ATAD3B: variants seen among roughly 807,000 people sequenced by gnomAD.
The protein encoded by ATAD3B is ATPase family AAA domain-containing protein 3B.
ATAD3B carries 59 observed loss-of-function variants against 70.2 expected under a neutral mutation model. That is an observed-to-expected ratio of 0.84 (90% CI 0.68 to 1.04). The LOEUF (loss-of-function observed/expected upper bound fraction) is 1.04, where lower values mean the gene tolerates loss of function less well. Among genes scored for constraint, ATAD3B ranks in the 50% least tolerant of loss-of-function variants. The pLI, the probability that ATAD3B is intolerant of heterozygous loss-of-function variation, is 0.00. For missense variants in ATAD3B, 961 were observed against 913.4 expected, an observed-to-expected ratio of 1.05 and a Z score of -0.67; for synonymous variants, 423 against 388.6, an observed-to-expected ratio of 1.09 and a Z score of -1.04.
rs1003729665 is a variant in ATAD3B, at chr1:1,496,398, C to T, written c.*581C>T. 1.1e-4 allele frequency: 32 copies of T among 295,708 alleles called. No homozygotes were observed. Among genetic ancestry groups the T allele is most frequent in the African/African-American group, 2.0e-4 (9 of 44,136 alleles). 18.3% of individuals were successfully genotyped at this position (295,708 alleles called of 1,614,324 possible). ...GAATGCTGCCCGGGACTGCCGCCTGCGCCCCACCAGCCCCTCCCTCCTGAA... is the reference window on the plus strand; with the variant it reads ...GAATGCTGCCCGGGACTGCCGCCTGTGCCCCACCAGCCCCTCCCTCCTGAA... On this transcript the variant is annotated 3_prime_UTR_variant, in exon 16 of 16. Coordinates refer to ENST00000673477, the MANE Select transcript of ATAD3B (RefSeq NM_031921.6).
chr1:1,503,517 G>A, the ATAD3B span: 1 of 1,513,704 alleles, frequency 6.6e-7, no homozygotes, highest in Non-Finnish European at 9.0e-7. Flanking sequence ...CCCCTTGGCT[G>A]GTGTGGTGCC....
Position 1,485,143 on chromosome 1 carries a change from T to C in ATAD3B, c.878T>C (p.Val293Ala). 2.5e-6 allele frequency: 4 copies of C among 1,610,478 alleles called. No individual in the cohort carries two copies. The highest frequency in any genetic ancestry group is 3.4e-6 in the Non-Finnish European group (4 of 1,179,486). Residue 293 changes from valine (V) to alanine (A), a missense_variant, in exon 8 of 16, where the codon GTG (valine) becomes GCG (alanine). This residue lies in a region of ATAD3B where 349 missense variants were observed against 307.5 expected (regional missense o/e 1.14). Transcript: ENST00000673477. ...GTGAGGGAGACGTCCCGCATCACGG[T>C]GCTGGAGGCGCTGCGGCACCCCATC... Reference protein sequence around the residue: ...SLVRETSRITVLEALRHPIQV... With the variant: ...SLVRETSRITALEALRHPIQV...
rs1640757512 is a variant in ATAD3B, at chr1:1,495,758, C to G, written c.1888C>G (p.Pro630Ala). The G allele has an allele frequency of 6.2e-7, 1 of 1,610,476 alleles. No individual in the cohort carries two copies. Among genetic ancestry groups the G allele is most frequent in the Non-Finnish European group, 8.5e-7 (1 of 1,178,052 alleles). ...GTGLCPGPLS[P>A]RMSCGGGRPF... The stretch of plus-strand genomic sequence containing the variant: ...TGGGCTGTGCCCAGGGCCTCTGTCC[C>G]CCAGGATGTCTTGTGGTGGCGGTCG... The change falls in exon 16 of 16, where the codon CCC (proline) becomes GCC (alanine). Residue 630 changes from proline (P) to alanine (A), a missense_variant. Physicochemically the swap from Pro to Ala is conservative, Grantham distance 27. Coordinates refer to ENST00000673477, the MANE Select transcript of ATAD3B (RefSeq NM_031921.6).
chr1:1,501,502 G>T (rs1426945259), downstream of ATAD3B, among the ~76,000 whole-genome samples: 2 of 152,030 alleles, frequency 1.3e-5, no homozygotes, highest in Non-Finnish European at 2.9e-5. Flanking sequence ...TGATCCGCCC[G>T]CCTCGGCCTC....
the ATAD3B span, among the ~76,000 whole-genome samples, chr1:1,505,050 G>A: frequency 6.6e-6 from 1 of 152,188 alleles, no homozygotes; most frequent in Non-Finnish European, 1.5e-5. Flanking sequence ...ACAAGACAGA[G>A]ATAAAAGACA....
chr1:1,483,021 G>T (rs1396613620), intron 7 of ATAD3B: 4 of 457,626 alleles, frequency 8.7e-6, no homozygotes, highest in African/African-American at 2.0e-5. Flanking sequence ...TGGCCAGGCG[G>T]TAGTGGCTCA....
chr1:1,480,081 G>A lies in ATAD3B; in HGVS notation c.445-786G>A, dbSNP rs1456816212. Among the ~76,000 whole-genome samples the A allele has an allele frequency of 1.4e-5, 2 of 142,616 alleles. 1 individual carries two copies. The highest frequency in any genetic ancestry group is 3.0e-5 in the Non-Finnish European group (2 of 65,898). The allele number at this position is 142,616 out of a possible 152,430, so 93.6% of individuals were successfully genotyped here. ...GGCACGCACACAGTCCCACACATGG[G>A]CACACGCGCACACCGCCGCAAACAC... On this transcript the variant is annotated intron_variant, in intron 4 of 15. Coordinates refer to ENST00000673477, the MANE Select transcript of ATAD3B (RefSeq NM_031921.6).
At chr1:1,503,316 C>G in the ATAD3B span, 1 of 434,760 alleles carries the variant, frequency 2.3e-6, no homozygotes, top group Admixed American at 3.4e-5. Flanking sequence ...CAAGAGCCTC[C>G]TCCCGTCCAC....
downstream of ATAD3B, among the ~76,000 whole-genome samples, chr1:1,502,766 C>T (rs2100619153): frequency 1.3e-5 from 2 of 150,066 alleles, no homozygotes; most frequent in East Asian, 2.1e-4. Context: ...CCCGCCTCGG[C>T]CTCCCAAAGT....
chr1:1,472,710 C>G (rs763005744), intron 1 of ATAD3B, among the ~76,000 whole-genome samples: 8 of 152,014 alleles, frequency 5.3e-5, no homozygotes, highest in Non-Finnish European at 7.4e-5. Context: ...CCTTCCTTTC[C>G]CCTGTGGCTT....
chr1:1,479,993 C>T (rs999755467), intron 4 of ATAD3B, among the ~76,000 whole-genome samples: 3 of 145,174 alleles, frequency 2.1e-5, no homozygotes, highest in African/African-American at 7.8e-5. Flanking sequence ...CATGGACACA[C>T]GCACACCCCC....
chr1:1,492,030 G>C (rs1640564767), intron 15 of ATAD3B, among the ~76,000 whole-genome samples: 1 of 151,844 alleles, frequency 6.6e-6, no homozygotes, highest in Non-Finnish European at 1.5e-5. Flanking sequence ...TACAAAAAAT[G>C]AAAAAATTGG....
At chr1:1,498,957 G>A (rs1270240257), downstream of ATAD3B, among the ~76,000 whole-genome samples, 2 of 149,602 alleles carry the variant, frequency 1.3e-5, no homozygotes, top group South Asian at 2.1e-4. Context: ...CCCTACTGCT[G>A]TGTGGTTCCT....
chr1:1,489,573 G>A, intron 13 of ATAD3B: 2 of 1,071,270 alleles, frequency 1.9e-6, no homozygotes, highest in Admixed American at 2.5e-5. Context: ...TGCAAGGGAG[G>A]TGGTCTGATT....
the ATAD3B span, chr1:1,509,297 G>A: frequency 6.2e-7 from 1 of 1,612,852 alleles, no homozygotes. Flanking sequence ...AGCAGATGAT[G>A]CGCTGGCTGA....
intron 15 of ATAD3B, among the ~76,000 whole-genome samples, chr1:1,492,561 CGA>C (rs1162658243): frequency 6.6e-6 from 1 of 151,082 alleles, no homozygotes. Flanking sequence ...TTTGGGAGGC[CGA>C]GGTGTTGGAT....
At chr1:1,504,940 G>A in the ATAD3B span, among the ~76,000 whole-genome samples, 1 of 152,178 alleles carries the variant, frequency 6.6e-6, no homozygotes, top group African/African-American at 2.4e-5. Context: ...GTGTGTGTGT[G>A]TGTGTGTGTG....
At chr1:1,499,191 T>A (rs1457173631), downstream of ATAD3B, among the ~76,000 whole-genome samples, 1 of 151,352 alleles carries the variant, frequency 6.6e-6, no homozygotes, top group Admixed American at 6.6e-5. Context: ...CAGGATGGTC[T>A]CGATCTCCTG....
chr1:1,493,921 A>C (rs1278592511), intron 15 of ATAD3B, among the ~76,000 whole-genome samples: 1 of 151,888 alleles, frequency 6.6e-6, no homozygotes, highest in African/African-American at 2.4e-5. Context: ...TATGAGGGTA[A>C]TGCTGGCTTC....
Sources: allele counts gnomAD v4.1 joint callset (sites outside exome capture counted in the v4.1 genomes callset), GRCh38; gene constraint gnomAD v4.1.1; regional missense constraint gnomAD v4.1.1; transcripts MANE v1.5; gene names NCBI Gene and HGNC (gene_info 2026-07-23, HGNC 2026-07-21).